Variants in RERE observed in about 807,000 individuals in gnomAD.
RERE encodes arginine-glutamic acid dipeptide repeats protein.
RERE carries 40 observed loss-of-function variants against 146.1 expected under a neutral mutation model. That is an observed-to-expected ratio of 0.27 (90% CI 0.21 to 0.36). The LOEUF is 0.36. Ranked by LOEUF, RERE falls within the 10% of genes least tolerant of loss-of-function variation. RERE has a pLI of 1.00. For missense variants in RERE, 1,933 were observed against 2,138.7 expected (o/e 0.90, Z 1.90); for synonymous variants, 1,003 against 866.0 (o/e 1.16, Z -2.78).
intron 4 of RERE, among the ~76,000 whole-genome samples, chr1:8,570,088 C>T (rs566889753): frequency 1.4e-4 from 22 of 152,140 alleles, no homozygotes; most frequent in African/African-American, 5.3e-4. Context: ...CCTGTAATCC[C>T]AGCACTTTGG....
intron 1 of RERE, among the ~76,000 whole-genome samples, chr1:8,723,049 T>TTTC (rs1307702418): frequency 6.6e-6 from 1 of 152,200 alleles, no homozygotes; most frequent in Non-Finnish European, 1.5e-5. Context: ...GATTCAGAAC[T>TTTC]TTCAACAGAG....
chr1:8,766,769 G>A (rs368136967), intron 1 of RERE, among the ~76,000 whole-genome samples: 6 of 152,106 alleles, frequency 3.9e-5, no homozygotes, highest in African/African-American at 1.4e-4. Flanking sequence ...ATGTTTGGGA[G>A]CAGGAAAATT....
rs1333789203 is a variant in RERE, at chr1:8,734,634, T to G, written c.-144-78193A>C. Among the ~76,000 whole-genome samples, 3 of 152,208 alleles carry G rather than the reference T, an allele frequency of 2.0e-5. No individual in the cohort carries two copies. The East Asian group carries it at 5.8e-4, about 29-fold the overall frequency. ...AAAATGAAGGTAATTATACTACCAA[T>G]ATAGTTACTATAGGGAATTAATACA... On this transcript the variant is annotated intron_variant, in intron 1 of 22. Coordinates refer to ENST00000400908, the MANE Select transcript of RERE (RefSeq NM_001042681.2).
chr1:8,563,231 C>T (rs1221599025), intron 4 of RERE, among the ~76,000 whole-genome samples: 1 of 152,136 alleles, frequency 6.6e-6, no homozygotes, highest in East Asian at 1.9e-4. Context: ...CTGAGTCTTT[C>T]CTAGAAACAG....
chr1:8,715,987 A>G (rs1639756846), intron 1 of RERE, among the ~76,000 whole-genome samples: 1 of 152,038 alleles, frequency 6.6e-6, no homozygotes, highest in Non-Finnish European at 1.5e-5. Flanking sequence ...CTAAAATAGA[A>G]AATAAAAACA....
At chr1:8,759,783 T>G (rs78213212) in intron 1 of RERE, among the ~76,000 whole-genome samples, 1,871 of 151,620 alleles carry the variant, frequency 0.012, 44 homozygotes, top group African/African-American at 0.044. Context: ...AATTCAAATG[T>G]GAGGGACAAT....
At chr1:8,816,185 A>G (rs1023472042) in intron 1 of RERE, among the ~76,000 whole-genome samples, 1 of 152,244 alleles carries the variant, frequency 6.6e-6, no homozygotes, top group African/African-American at 2.4e-5. Context: ...AATTCCTGCT[A>G]TATTAAAATG....
chr1:8,575,534 A>AATATATATAT (rs67724601), intron 4 of RERE, among the ~76,000 whole-genome samples: 81 of 114,040 alleles, frequency 7.1e-4, no homozygotes, highest in African/African-American at 1.8e-3. Context: ...TGGCTAATTT[A>AATATATATAT]ATATATATAT....
At chr1:8,388,249 C>T (rs947299262) in intron 12 of RERE, among the ~76,000 whole-genome samples, 1 of 151,980 alleles carries the variant, frequency 6.6e-6, no homozygotes, top group African/African-American at 2.4e-5. Context: ...GCAGAATACC[C>T]AGTCTAGTGG....
chr1:8,370,685 C>G (rs552838428), intron 12 of RERE, among the ~76,000 whole-genome samples: 1 of 152,060 alleles, frequency 6.6e-6, no homozygotes, highest in Admixed American at 6.6e-5. Context: ...AAGAACATGT[C>G]GGGGAAAGCT....
At chr1:8,778,763 G>A (rs1291395428) in intron 1 of RERE, among the ~76,000 whole-genome samples, 4 of 151,958 alleles carry the variant, frequency 2.6e-5, no homozygotes, top group Non-Finnish European at 4.4e-5. Flanking sequence ...TTGAGTCCAC[G>A]AGGTGGACAT....
At position 8,817,513 on chromosome 1, in the gene RERE, T is replaced by G. The variant is rs1569857042; in HGVS notation, c.-498A>C. The G allele has an allele frequency of 7.3e-6, 1 of 137,148 alleles. No homozygotes were observed. The highest frequency in any genetic ancestry group is 1.5e-5 in the Non-Finnish European group (1 of 64,612). 8.5% of individuals were successfully genotyped at this position (137,148 alleles called of 1,614,324 possible). Reference sequence around the variant, plus strand: ...AGGAGAGAAAATGAGGCAGAGACAATGTGGGGAGCGAGAGAGGGGAAAAGG... The same window carrying G: ...AGGAGAGAAAATGAGGCAGAGACAAGGTGGGGAGCGAGAGAGGGGAAAAGG... On this transcript the variant is annotated 5_prime_UTR_variant, in exon 1 of 23. Coordinates refer to ENST00000400908, the MANE Select transcript of RERE (RefSeq NM_001042681.2).
chr1:8,649,921 A>C (rs555344079), intron 2 of RERE, among the ~76,000 whole-genome samples: 1 of 152,144 alleles, frequency 6.6e-6, no homozygotes, highest in African/African-American at 2.4e-5. Flanking sequence ...AAAAAAGGCT[A>C]TAACAGTATT....
intron 2 of RERE, among the ~76,000 whole-genome samples, chr1:8,649,811 G>A (rs1647519481): frequency 6.6e-6 from 1 of 151,970 alleles, no homozygotes; most frequent in African/African-American, 2.4e-5. Context: ...GGAATTCAAT[G>A]ATGAGTGGGG....
At chr1:8,378,428 C>T (rs1022859760) in intron 12 of RERE, among the ~76,000 whole-genome samples, 2 of 152,192 alleles carry the variant, frequency 1.3e-5, no homozygotes, top group African/African-American at 4.8e-5. Context: ...CAAATTCCTA[C>T]GTTGAAGCTC....
chr1:8,619,306 A>C (rs1261397072), intron 3 of RERE, among the ~76,000 whole-genome samples: 4 of 152,042 alleles, frequency 2.6e-5, no homozygotes, highest in Non-Finnish European at 5.9e-5. Context: ...ATCACCCCCA[A>C]CTCTAAGGAA....
chr1:8,813,733 GC>G (rs1375410273), intron 1 of RERE, among the ~76,000 whole-genome samples: 7 of 150,276 alleles, frequency 4.7e-5, no homozygotes, highest in African/African-American at 1.5e-4. Flanking sequence ...TCGTGCCTCA[GC>G]CCCCCAAGTA....
intron 1 of RERE, among the ~76,000 whole-genome samples, chr1:8,780,549 G>C (rs1641145566): frequency 6.6e-6 from 1 of 151,930 alleles, no homozygotes; most frequent in Non-Finnish European, 1.5e-5. Flanking sequence ...TGCCATCCAG[G>C]GTATACCAAA....
intron 1 of RERE, among the ~76,000 whole-genome samples, chr1:8,677,454 G>GAAAAAAAAAA (rs571192127): frequency 9.8e-6 from 1 of 101,692 alleles, no homozygotes. Flanking sequence ...AGAAAGAAAA[G>GAAAAAAAAAA]AAAAAAAAAA....
Sources: gnomAD v4.1 joint callset for allele counts (sites outside exome capture counted in the v4.1 genomes callset) on GRCh38, gnomAD v4.1.1 for gene constraint, MANE v1.5 for transcripts, NCBI Gene and HGNC (gene_info 2026-07-23, HGNC 2026-07-21) for gene names.